BABAM2: variants seen among roughly 807,000 people sequenced by gnomAD.
BABAM2 encodes the protein BRISC and BRCA1 A complex member 2.
In BABAM2, 31 loss-of-function variants were observed where a neutral mutation model predicts 54.7. The ratio of observed to expected loss-of-function variants is 0.57; its 90% CI spans 0.43 to 0.77. The LOEUF (loss-of-function observed/expected upper bound fraction) is 0.77. BABAM2 is among the 30% of genes least tolerant of loss of function. The pLI is 0.00. For missense variants in BABAM2, 364 were observed against 455.8 expected (o/e 0.80, Z 1.83); for synonymous variants, 167 against 162.9 (o/e 1.03, Z -0.19).
intron 7 of BABAM2, among the ~76,000 whole-genome samples, chr2:28,154,623 C>T (rs1470079185): frequency 6.6e-6 from 1 of 151,958 alleles, no homozygotes; most frequent in East Asian, 1.9e-4. Context: ...CTTTCCTTGC[C>T]CTTCTTTATG....
intron 10 of BABAM2, among the ~76,000 whole-genome samples, chr2:28,279,279 G>A (rs1686142106): frequency 6.6e-6 from 1 of 152,146 alleles, no homozygotes. Context: ...GTTACCCTTG[G>A]ACCTGAGGTT....
chr2:27,953,449 C>G (rs925624348), intron 3 of BABAM2, among the ~76,000 whole-genome samples: 1 of 151,968 alleles, frequency 6.6e-6, no homozygotes, highest in African/African-American at 2.4e-5. Flanking sequence ...TACCACAGTG[C>G]TGGGATTACA....
At chr2:28,066,890 C>T (rs929196662) in intron 6 of BABAM2, among the ~76,000 whole-genome samples, 7 of 152,188 alleles carry the variant, frequency 4.6e-5, no homozygotes, top group East Asian at 1.9e-4. Flanking sequence ...ATTATCTCCA[C>T]CGTTTGAAGG....
intron 2 of BABAM2, among the ~76,000 whole-genome samples, chr2:27,899,749 G>A (rs1665639859): frequency 6.6e-6 from 1 of 152,176 alleles, no homozygotes; most frequent in African/African-American, 2.4e-5. Flanking sequence ...TTACAGGCGT[G>A]AGCCACTGTG....
At chr2:28,217,769 A>G (rs1037327513) in intron 7 of BABAM2, among the ~76,000 whole-genome samples, 4 of 152,180 alleles carry the variant, frequency 2.6e-5, no homozygotes, top group African/African-American at 9.7e-5. Context: ...TGTTCAGTCT[A>G]TAGGTATTTA....
intron 11 of BABAM2, among the ~76,000 whole-genome samples, chr2:28,299,472 TG>T: frequency 6.6e-6 from 1 of 152,348 alleles, no homozygotes; most frequent in South Asian, 2.1e-4. Context: ...CTTTATCGCT[TG>T]GAACAGTCAT....
At chr2:28,172,902 C>T (rs1674512439) in intron 7 of BABAM2, among the ~76,000 whole-genome samples, 1 of 152,132 alleles carries the variant, frequency 6.6e-6, no homozygotes, top group South Asian at 2.1e-4. Context: ...TCTCACAGTT[C>T]CAGAGGCTAA....
chr2:28,327,331 A>G (rs1303908776), intron 11 of BABAM2: 1 of 1,613,784 alleles, frequency 6.2e-7, no homozygotes, highest in African/African-American at 1.3e-5. Flanking sequence ...TGGCCTTTGC[A>G]GTTGCAAAAA....
intron 4 of BABAM2, among the ~76,000 whole-genome samples, chr2:28,019,779 G>T (rs964663081): frequency 2.0e-5 from 3 of 152,008 alleles, no homozygotes; most frequent in Non-Finnish European, 4.4e-5. Flanking sequence ...GTTTTTGTTG[G>T]CCATGTTGAA....
intron 10 of BABAM2, among the ~76,000 whole-genome samples, chr2:28,271,006 C>T (rs571081324): frequency 3.9e-5 from 6 of 152,210 alleles, no homozygotes; most frequent in South Asian, 2.1e-4. Flanking sequence ...GCAGGCACAC[C>T]GAGTTAATGT....
chr2:27,904,201 T>A (rs1215092055), intron 2 of BABAM2, among the ~76,000 whole-genome samples: 1 of 152,218 alleles, frequency 6.6e-6, no homozygotes, highest in Non-Finnish European at 1.5e-5. Context: ...TCTGGAATTT[T>A]CCATTTAGTA....
intron 7 of BABAM2, among the ~76,000 whole-genome samples, chr2:28,167,619 G>A (rs1267382805): frequency 3.3e-5 from 5 of 151,540 alleles, no homozygotes; most frequent in African/African-American, 7.3e-5. Context: ...GCTTGAACCC[G>A]GGAGGCAGAA....
intron 7 of BABAM2, among the ~76,000 whole-genome samples, chr2:28,182,100 A>T (rs1048893579): frequency 5.3e-5 from 8 of 152,116 alleles, no homozygotes; most frequent in Non-Finnish European, 1.2e-4. Flanking sequence ...GAGAAAGATG[A>T]GGTAGCAGTA....
At chr2:27,973,534 G>T (rs1056317692) in intron 3 of BABAM2, among the ~76,000 whole-genome samples, 1 of 151,814 alleles carries the variant, frequency 6.6e-6, no homozygotes, top group South Asian at 2.1e-4. Flanking sequence ...TTCTTTTGGG[G>T]TTTCTTCTCC....
chr2:28,203,829 C>T (rs961517884), intron 7 of BABAM2, among the ~76,000 whole-genome samples: 5 of 152,124 alleles, frequency 3.3e-5, no homozygotes, highest in African/African-American at 4.8e-5. Flanking sequence ...TAATAAGCAG[C>T]GCAGTTGTCT....
Position 28,112,179 on chromosome 2 carries a change from C to CT in BABAM2, c.571-17091dup, listed in dbSNP as rs1477831223. Among the ~76,000 whole-genome samples the CT allele has an allele frequency of 9.5e-3, 615 of 64,674 alleles. 51 individuals carry two copies. The highest frequency in any genetic ancestry group is 0.013 in the Middle Eastern group (2 of 160). 42.4% of individuals were successfully genotyped at this position (64,674 alleles called of 152,430 possible). A position where few individuals can be genotyped will look rare whatever the true frequency, so the allele number is the denominator to read the frequency against. On this transcript the variant is annotated intron_variant, in intron 6 of 11. Transcript: ENST00000379624. The stretch of plus-strand genomic sequence containing the variant: ...CCTCCCTCCCTCCCTCCCTCCCTCC[C>CT]TCCCTCCCTCCCTCCCTCCCTTCCT...
At chr2:28,285,852 A>G (rs1385761066) in intron 10 of BABAM2, among the ~76,000 whole-genome samples, 1 of 152,044 alleles carries the variant, frequency 6.6e-6, no homozygotes, top group Non-Finnish European at 1.5e-5. Context: ...TACAGGCATG[A>G]GCCACCACAC....
At chr2:28,210,880 A>C (rs1399252041) in intron 7 of BABAM2, among the ~76,000 whole-genome samples, 2 of 152,250 alleles carry the variant, frequency 1.3e-5, no homozygotes, top group Non-Finnish European at 2.9e-5. Flanking sequence ...AAAACATTTT[A>C]AACATTTGAG....
At chr2:28,179,677 A>G (rs1402330462) in intron 7 of BABAM2, among the ~76,000 whole-genome samples, 2 of 152,190 alleles carry the variant, frequency 1.3e-5, no homozygotes, top group African/African-American at 4.8e-5. Context: ...AGAAAAGAGG[A>G]AGTTAAATTG....
Sources: gnomAD v4.1 joint callset for allele counts (sites outside exome capture counted in the v4.1 genomes callset) on GRCh38, gnomAD v4.1.1 for gene constraint, MANE v1.5 for transcripts, NCBI Gene and HGNC (gene_info 2026-07-23, HGNC 2026-07-21) for gene names.